NIBAN2: variants seen among roughly 807,000 people sequenced by gnomAD.
NIBAN2 encodes the protein protein Niban 2.
A neutral mutation model predicts 81.8 loss-of-function variants in NIBAN2; 36 were observed. The ratio of observed to expected loss-of-function variants is 0.44; its 90% confidence interval spans 0.34 to 0.58. The LOEUF (loss-of-function observed/expected upper bound fraction) is 0.58, where lower values mean the gene tolerates loss of function less well. Among genes scored for constraint, NIBAN2 ranks in the 20% least tolerant of loss-of-function variants. The pLI, the probability that NIBAN2 is intolerant of heterozygous loss-of-function variation, is 0.02. For missense variants in NIBAN2, 897 were observed against 1,014.1 expected (o/e 0.88, Z 1.57); for synonymous variants, 445 against 441.6 (o/e 1.01, Z -0.10).
intron 1 of NIBAN2, among the ~76,000 whole-genome samples, chr9:127,547,414 G>A (rs1477171502): frequency 1.3e-5 from 2 of 152,216 alleles, no homozygotes; most frequent in Non-Finnish European, 2.9e-5. Flanking sequence ...CTGCTCGGAA[G>A]GTTGAGGCAG....
At position 127,545,420 on chromosome 9, in the gene NIBAN2, G is replaced by T. The variant is rs1251090701; in HGVS notation, c.56-13642C>A. Among the ~76,000 whole-genome samples the T allele has an allele frequency of 1.3e-5, 2 of 152,176 alleles. No individual in the cohort carries two copies. Among genetic ancestry groups the T allele is most frequent in the Non-Finnish European group, 2.9e-5 (2 of 68,038 alleles). ...CACCCAGCTCCCGCCAGGCCCAGGG[G>T]GGTGCTTGATAAACAAGTGCCGAAC... is the stretch of plus-strand genomic sequence containing the variant. On this transcript the variant is annotated intron_variant, in intron 1 of 13. Transcript: ENST00000373312. This position sits in a 1 kb window ranked among gnomAD's most constrained non-coding sequence, Gnocchi z 4.7.
chr9:127,569,240 A>C (rs976987962), upstream of NIBAN2, among the ~76,000 whole-genome samples: 1 of 109,554 alleles, frequency 9.1e-6, no homozygotes, highest in Non-Finnish European at 1.9e-5. Context: ...CCTGCGCCCC[A>C]CCCAGCCCCT....
At chr9:127,564,449 G>C (rs951680305) in intron 1 of NIBAN2, among the ~76,000 whole-genome samples, 3 of 152,170 alleles carry the variant, frequency 2.0e-5, no homozygotes, top group African/African-American at 4.8e-5. Context: ...GGGCTGGGTA[G>C]ACAAACCATC....
chr9:127,554,301 C>G (rs1417129832), intron 1 of NIBAN2, among the ~76,000 whole-genome samples: 1 of 152,112 alleles, frequency 6.6e-6, no homozygotes, highest in Non-Finnish European at 1.5e-5. Flanking sequence ...CTATGCCAGG[C>G]CATGCCCTCC....
chr9:127,508,470 C>A lies in NIBAN2; in HGVS notation c.1386G>T (p.Lys462Asn). 1 of 1,613,812 alleles carries A rather than the reference C, an allele frequency of 6.2e-7. No homozygotes were observed. The highest frequency in any genetic ancestry group is 8.5e-7 in the Non-Finnish European group (1 of 1,179,970). ...LHQELGKGPT[K>N]EELCKSIQRV... ...GCTGGATGGACTTGCACAGCTCCTCCTTGGTGGGCCCCTTCCCCAGCTCCT... is the reference window on the plus strand; with the variant it reads ...GCTGGATGGACTTGCACAGCTCCTCATTGGTGGGCCCCTTCCCCAGCTCCT... Residue 462 changes from lysine (K) to asparagine (N), a missense_variant, in exon 11 of 14, where the codon AAG becomes AAT. Around this residue, in one of 3 missense-constraint regions of NIBAN2, gnomAD observed 619 missense variants for 691.0 expected, o/e 0.90. Coordinates refer to ENST00000373312, the MANE Select transcript of NIBAN2 (RefSeq NM_022833.4). The surrounding 1 kb of genome is among the most constrained non-coding windows in gnomAD (Gnocchi z 6.4).
intron 1 of NIBAN2, among the ~76,000 whole-genome samples, chr9:127,578,719 G>C (rs1451977459): frequency 6.6e-6 from 1 of 151,794 alleles, no homozygotes; most frequent in Admixed American, 6.6e-5. Context: ...TTGTCAGTGG[G>C]TGCTGTAGTG....
At chr9:127,520,527 C>T (rs912462436) in intron 5 of NIBAN2, among the ~76,000 whole-genome samples, 2 of 151,282 alleles carry the variant, frequency 1.3e-5, no homozygotes, top group Admixed American at 6.6e-5. Flanking sequence ...CCTGAGCCAC[C>T]GCACCCGCCC....
At chr9:127,524,343 T>C (rs1467542984) in intron 4 of NIBAN2, among the ~76,000 whole-genome samples, 1 of 152,230 alleles carries the variant, frequency 6.6e-6, no homozygotes, top group Non-Finnish European at 1.5e-5. Flanking sequence ...GCGAGATAAC[T>C]GGTCCTGGGC....
chr9:127,575,531 T>C (rs972555124), intron 1 of NIBAN2, among the ~76,000 whole-genome samples: 4 of 145,050 alleles, frequency 2.8e-5, no homozygotes, highest in Admixed American at 2.7e-4. Context: ...GGGCCCTTTT[T>C]TTTTTTTTTT....
In NIBAN2 at chr9:127,507,467, C is replaced by G. The variant is rs776493795; in HGVS notation, c.1655-36G>C. 11 of 1,452,912 alleles carry G rather than the reference C, an allele frequency of 7.6e-6. No homozygotes were observed. Among genetic ancestry groups the G allele is most frequent in the Non-Finnish European group, 5.5e-6 (6 of 1,093,170 alleles). 90.0% of individuals were successfully genotyped at this position (1,452,912 alleles called of 1,614,324 possible). A position where few individuals can be genotyped will look rare whatever the true frequency, so the allele number is the denominator to read the frequency against. ...ACAGGGGAAGGGTCAGGACACAGCA[C>G]TGATCCCACAGCCGCCCCTGTGCTG... On this transcript the variant is annotated intron_variant, in intron 13 of 13. Coordinates refer to ENST00000373312, the MANE Select transcript of NIBAN2 (RefSeq NM_022833.4). This position sits in a 1 kb window ranked among gnomAD's most constrained non-coding sequence, Gnocchi z 6.8.
chr9:127,562,777 C>G (rs919841877), intron 1 of NIBAN2, among the ~76,000 whole-genome samples: 1 of 152,190 alleles, frequency 6.6e-6, no homozygotes, highest in Non-Finnish European at 1.5e-5. Context: ...TACAAACCAA[C>G]ATGTGAGAAA....
chr9:127,526,313 T>A (rs1280072993), intron 3 of NIBAN2, among the ~76,000 whole-genome samples: 2 of 146,142 alleles, frequency 1.4e-5, no homozygotes, highest in Non-Finnish European at 3.0e-5. Context: ...GGCAGGAGAA[T>A]CACTTGAGCC....
intron 1 of NIBAN2, among the ~76,000 whole-genome samples, chr9:127,554,548 C>CTTTTTTTTTTTTTTTTTT (rs1230242603): frequency 8.0e-4 from 83 of 103,690 alleles, no homozygotes; most frequent in Middle Eastern, 9.4e-3. Flanking sequence ...TTTTCTTTTT[C>CTTTTTTTTTTTTTTTTTT]TTTTTTTTTT....
chr9:127,517,763 G>T lies in NIBAN2; in HGVS notation c.705+63C>A. ...GCCCCATCTCTGTACCCCACCCCCT[G>T]CCCTCCCCTGCTGGGTCCTTGGGTG... is the stretch of plus-strand genomic sequence containing the variant. On this transcript the variant is annotated intron_variant, in intron 6 of 13. Transcript: ENST00000373312. This position sits in a 1 kb window ranked among gnomAD's most constrained non-coding sequence, Gnocchi z 4.0. 2.4e-6 allele frequency: 3 copies of T among 1,231,688 alleles called. No homozygotes were observed. The highest frequency in any genetic ancestry group is 3.5e-6 in the Non-Finnish European group (3 of 847,544). 76.3% of individuals were successfully genotyped at this position (1,231,688 alleles called of 1,614,324 possible).
At chr9:127,540,899 T>C (rs527405183) in intron 1 of NIBAN2, among the ~76,000 whole-genome samples, 1 of 152,294 alleles carries the variant, frequency 6.6e-6, no homozygotes, top group South Asian at 2.1e-4. Context: ...GTTTCAGGGT[T>C]TCAGGGCTGA....
intron 1 of NIBAN2, among the ~76,000 whole-genome samples, 155 bp downstream of exon 1, chr9:127,568,665 A>G (rs1206088996): frequency 3.3e-5 from 5 of 152,040 alleles, no homozygotes; most frequent in Non-Finnish European, 7.4e-5. Context: ...AGAGGGAACG[A>G]GCTCGGACGC....
Position 127,528,530 on chromosome 9 carries a change from C to T in NIBAN2, c.187-1208G>A, listed in dbSNP as rs141798505. Among the ~76,000 whole-genome samples the T allele has an allele frequency of 1.4e-3, 210 of 152,280 alleles. 1 individual carries two copies. Among genetic ancestry groups the T allele is most frequent in the Middle Eastern group, 6.8e-3 (2 of 294 alleles). The stretch of plus-strand genomic sequence containing the variant: ...TCCCTGCAGTCCCGTCTCTCCACCC[C>T]CTTCACCATGTCCCCCTCTCCCCAG... On this transcript the variant is annotated intron_variant, in intron 2 of 13. Transcript: ENST00000373312.
intron 1 of NIBAN2, among the ~76,000 whole-genome samples, chr9:127,560,506 C>A (rs1288136953): frequency 6.6e-6 from 1 of 152,138 alleles, no homozygotes; most frequent in Non-Finnish European, 1.5e-5. Context: ...CAAGACCAGC[C>A]TTTGTGTTTC....
At chr9:127,543,307 G>T (rs1388075727) in intron 1 of NIBAN2, among the ~76,000 whole-genome samples, 1 of 152,184 alleles carries the variant, frequency 6.6e-6, no homozygotes, top group Non-Finnish European at 1.5e-5. Context: ...CATAGACCCG[G>T]ACAACAGCTG....
Sources: allele counts gnomAD v4.1 joint callset (sites outside exome capture counted in the v4.1 genomes callset), GRCh38; gene constraint gnomAD v4.1.1; regional missense constraint gnomAD v4.1.1; non-coding constraint Gnocchi (gnomAD v3.1); transcripts MANE v1.5; gene names NCBI Gene and HGNC (gene_info 2026-07-23, HGNC 2026-07-21).